ARHGAP44: variants seen among roughly 807,000 people sequenced by gnomAD.
ARHGAP44 encodes Rho GTPase activating protein 44, also known as rho GTPase-activating protein 44.
ARHGAP44 carries 43 observed loss-of-function variants against 106.8 expected under a neutral mutation model. The ratio of observed to expected loss-of-function variants is 0.40; its 90% CI spans 0.32 to 0.52. ARHGAP44 has a LOEUF of 0.52. ARHGAP44 is among the 20% of genes least tolerant of loss of function. The pLI is 0.48. For synonymous variants in ARHGAP44, 439 were observed against 410.3 expected (o/e 1.07, Z -0.85); for missense variants, 866 against 1,050.5 (o/e 0.82, Z 2.43).
At chr17:12,878,136 G>A (rs920960011) in intron 1 of ARHGAP44, among the ~76,000 whole-genome samples, 1 of 152,126 alleles carries the variant, frequency 6.6e-6, no homozygotes, top group African/African-American at 2.4e-5. Flanking sequence ...ATGTATTGCA[G>A]ACCTTTTCAG....
chr17:12,967,662 T>C (rs766927932), intron 16 of ARHGAP44, among the ~76,000 whole-genome samples: 30 of 152,126 alleles, frequency 2.0e-4, no homozygotes, highest in Non-Finnish European at 3.7e-4. Context: ...CCTTAGCTGC[T>C]CTAGGTGATC....
At chr17:12,913,338 ACAAG>A (rs1290797253) in intron 4 of ARHGAP44, among the ~76,000 whole-genome samples, 1 of 152,162 alleles carries the variant, frequency 6.6e-6, no homozygotes, top group Non-Finnish European at 1.5e-5. Context: ...TACGTAGAAA[ACAAG>A]CAAGCCAAAA....
intron 7 of ARHGAP44, among the ~76,000 whole-genome samples, chr17:12,933,003 A>T (rs557748262): frequency 2.0e-5 from 3 of 152,322 alleles, no homozygotes; most frequent in African/African-American, 7.2e-5. Context: ...TATCCAGTTC[A>T]TGAAACCCTA....
At chr17:12,938,041 T>C (rs2038597926) in intron 7 of ARHGAP44, among the ~76,000 whole-genome samples, 1 of 151,830 alleles carries the variant, frequency 6.6e-6, no homozygotes, top group Admixed American at 6.6e-5. Context: ...GAGGTTGCAG[T>C]GAGCCAAGAT....
At chr17:12,861,705 G>A (rs1464872395) in intron 1 of ARHGAP44, among the ~76,000 whole-genome samples, 2 of 129,238 alleles carry the variant, frequency 1.5e-5, no homozygotes, top group African/African-American at 5.5e-5. Flanking sequence ...CGCAATCTCG[G>A]CTCACTGCAA....
At chr17:12,891,852 T>C (rs113021976) in intron 1 of ARHGAP44, among the ~76,000 whole-genome samples, 7,997 of 151,386 alleles carry the variant, frequency 0.053, 703 homozygotes, top group African/African-American at 0.18. Flanking sequence ...TGGAGTGCAG[T>C]GGCATGATGT....
At chr17:12,973,710 C>T (rs541145207) in intron 17 of ARHGAP44, 2 of 481,208 alleles carry the variant, frequency 4.2e-6, no homozygotes, top group African/African-American at 2.0e-5. Flanking sequence ...TCCCTGCCCC[C>T]CCAGTTAGGC....
At chr17:12,961,591 C>T (rs1210652920) in intron 16 of ARHGAP44, among the ~76,000 whole-genome samples, 9 of 152,000 alleles carry the variant, frequency 5.9e-5, no homozygotes, top group East Asian at 5.8e-4. Flanking sequence ...AAAATTAGCC[C>T]GGTATGATGG....
chr17:12,889,761 G>A (rs2036987392), intron 1 of ARHGAP44, among the ~76,000 whole-genome samples: 1 of 152,134 alleles, frequency 6.6e-6, no homozygotes, highest in Non-Finnish European at 1.5e-5. Context: ...TCTTCCTGAG[G>A]CAAACTTCTT....
At chr17:12,840,391 G>A (rs550474277) in intron 1 of ARHGAP44, among the ~76,000 whole-genome samples, 66 of 152,280 alleles carry the variant, frequency 4.3e-4, no homozygotes, top group Non-Finnish European at 7.2e-4. Context: ...TGACATATTA[G>A]TACCCAGGAT....
At chr17:12,956,396 A>C (rs746170574) in intron 14 of ARHGAP44, among the ~76,000 whole-genome samples, 3 of 152,164 alleles carry the variant, frequency 2.0e-5, no homozygotes, top group Non-Finnish European at 2.9e-5. Flanking sequence ...GACGGGAGGG[A>C]GGAGAATCAC....
chr17:12,953,996 T>A (rs1370389041), intron 13 of ARHGAP44, among the ~76,000 whole-genome samples: 1 of 151,798 alleles, frequency 6.6e-6, no homozygotes, highest in Non-Finnish European at 1.5e-5. Flanking sequence ...CGAGTGATTC[T>A]CCTGCCTCAG....
At chr17:12,983,734 G>T (rs1403243490) in intron 19 of ARHGAP44, among the ~76,000 whole-genome samples, 1 of 152,130 alleles carries the variant, frequency 6.6e-6, no homozygotes, top group African/African-American at 2.4e-5. Flanking sequence ...AACCTGGGAG[G>T]CGGAGGTTGT....
chr17:12,848,541 G>A (rs1044530496), intron 1 of ARHGAP44, among the ~76,000 whole-genome samples: 1 of 151,392 alleles, frequency 6.6e-6, no homozygotes, highest in African/African-American at 2.4e-5. Flanking sequence ...GCCAAAACCC[G>A]TGATTTTTTT....
intron 18 of ARHGAP44, among the ~76,000 whole-genome samples, chr17:12,977,825 G>T (rs2039725034): frequency 6.6e-6 from 1 of 152,070 alleles, no homozygotes; most frequent in Non-Finnish European, 1.5e-5. Flanking sequence ...GGATCCTGAG[G>T]TCAGGAGATC....
intron 8 of ARHGAP44, among the ~76,000 whole-genome samples, chr17:12,943,175 G>T (rs2150982909): frequency 6.6e-6 from 1 of 152,324 alleles, no homozygotes; most frequent in South Asian, 2.1e-4. Context: ...CTGAGTAGCT[G>T]GGATTACAGG....
At chr17:12,809,227 A>T (rs956274443) in intron 1 of ARHGAP44, among the ~76,000 whole-genome samples, 7 of 152,116 alleles carry the variant, frequency 4.6e-5, no homozygotes, top group Non-Finnish European at 8.8e-5. Context: ...AGTCCTCCAG[A>T]CTGTTCCAGT....
chr17:12,935,591 A>C (rs960657058), intron 7 of ARHGAP44, among the ~76,000 whole-genome samples: 1 of 150,834 alleles, frequency 6.6e-6, no homozygotes, highest in Non-Finnish European at 1.5e-5. Flanking sequence ...AAAAAAATCA[A>C]GGGAATATGG....
intron 1 of ARHGAP44, among the ~76,000 whole-genome samples, chr17:12,852,548 G>GT (rs111855586): frequency 0.099 from 13,774 of 138,962 alleles, 885 homozygotes; most frequent in African/African-American, 0.18. Context: ...TGTTTGCTGT[G>GT]TTTTTTTTTT....
Sources: gnomAD v4.1 joint callset for allele counts (sites outside exome capture counted in the v4.1 genomes callset) on GRCh38, gnomAD v4.1.1 for gene constraint, MANE v1.5 for transcripts, NCBI Gene and HGNC (gene_info 2026-07-23, HGNC 2026-07-21) for gene names.